Variants in PRR16 observed in about 807,000 individuals in gnomAD.
The protein encoded by PRR16 is proline rich 16.
In PRR16, 6 loss-of-function variants were observed where a neutral mutation model predicts 18.2. The ratio of observed to expected loss-of-function variants is 0.33; its 90% CI spans 0.18 to 0.65. The LOEUF (loss-of-function observed/expected upper bound fraction) is 0.65, where lower values mean the gene tolerates loss of function less well. Among genes scored for constraint, PRR16 ranks in the 30% least tolerant of loss-of-function variants. The pLI, the probability that PRR16 is intolerant of heterozygous loss-of-function variation, is 0.74. For missense variants in PRR16, 412 were observed against 376.6 expected (o/e 1.09, Z -0.78); for synonymous variants, 151 against 147.8 (o/e 1.02, Z -0.16).
intron 1 of PRR16, among the ~76,000 whole-genome samples, chr5:120,623,347 G>A (rs1168784307): frequency 3.3e-5 from 5 of 152,024 alleles, no homozygotes; most frequent in Non-Finnish European, 7.4e-5. Flanking sequence ...TACTAATCAG[G>A]ATTCTACCTA....
At chr5:120,698,339 A>T in the PRR16 span, among the ~76,000 whole-genome samples, 4 of 151,960 alleles carry the variant, frequency 2.6e-5, no homozygotes, top group Non-Finnish European at 5.9e-5. Context: ...AGAGAAGAAA[A>T]ACAGGTATAA....
chr5:120,766,847 A>G, the PRR16 span, among the ~76,000 whole-genome samples: 19 of 152,100 alleles, frequency 1.2e-4, no homozygotes, highest in South Asian at 3.9e-3. Flanking sequence ...TGGGGTTAGT[A>G]TAATCCTGGT....
At chr5:120,700,021 G>A in the PRR16 span, among the ~76,000 whole-genome samples, 26 of 152,182 alleles carry the variant, frequency 1.7e-4, no homozygotes, top group African/African-American at 5.1e-4. Flanking sequence ...TAGTGAAAGC[G>A]AAGAGAGGCT....
intron 1 of PRR16, among the ~76,000 whole-genome samples, chr5:120,626,310 C>T (rs1277290765): frequency 6.6e-6 from 1 of 152,112 alleles, no homozygotes; most frequent in Non-Finnish European, 1.5e-5. Flanking sequence ...CATGCTCCAA[C>T]ATGGATGAAC....
At chr5:120,672,058 C>A (rs2150147162) in intron 1 of PRR16, among the ~76,000 whole-genome samples, 1 of 152,312 alleles carries the variant, frequency 6.6e-6, no homozygotes, top group African/African-American at 2.4e-5. Context: ...AGGTTACAGT[C>A]TTGCCAAGGA....
chr5:120,764,651 T>C, the PRR16 span, among the ~76,000 whole-genome samples: 7 of 149,318 alleles, frequency 4.7e-5, no homozygotes, highest in Admixed American at 2.0e-4. Context: ...AAGATTAAAT[T>C]TTATTTTAGT....
intron 1 of PRR16, among the ~76,000 whole-genome samples, chr5:120,615,061 A>AAT (rs1554088425): frequency 1.3e-5 from 2 of 151,716 alleles, no homozygotes; most frequent in Non-Finnish European, 2.9e-5. Flanking sequence ...GGAAAAAAAA[A>AAT]TAGCAAACAT....
the PRR16 span, among the ~76,000 whole-genome samples, chr5:120,755,590 C>G: frequency 6.6e-6 from 1 of 152,086 alleles, no homozygotes; most frequent in East Asian, 1.9e-4. Flanking sequence ...GCATAGTATT[C>G]TGTGGTGTAT....
At chr5:120,669,994 A>G (rs1444764526) in intron 1 of PRR16, among the ~76,000 whole-genome samples, 3 of 152,142 alleles carry the variant, frequency 2.0e-5, no homozygotes, top group African/African-American at 2.4e-5. Context: ...GTTATAATGC[A>G]TAAAATAAAC....
chr5:120,713,938 T>A, the PRR16 span, among the ~76,000 whole-genome samples: 428 of 152,296 alleles, frequency 2.8e-3, no homozygotes, highest in African/African-American at 8.3e-3. Flanking sequence ...GATTTATATT[T>A]GAAAACTGTT....
chr5:120,481,050 T>C, intron 1 of PRR16: 2 of 1,085,512 alleles, frequency 1.8e-6, no homozygotes, highest in Non-Finnish European at 2.3e-6. Context: ...CAATATAAAG[T>C]ACATGGCAGG....
At chr5:120,494,845 A>G (rs969679204) in intron 1 of PRR16, among the ~76,000 whole-genome samples, 5 of 152,078 alleles carry the variant, frequency 3.3e-5, no homozygotes, top group African/African-American at 7.2e-5. Context: ...TGAAAAAACT[A>G]GCTTTCTTCC....
intron 1 of PRR16, among the ~76,000 whole-genome samples, chr5:120,600,130 C>T (rs549530895): frequency 6.6e-6 from 1 of 151,804 alleles, no homozygotes; most frequent in African/African-American, 2.4e-5. Flanking sequence ...AAATGCTCTT[C>T]GTTTCGTAGC....
At chr5:120,615,816 G>C (rs757791583) in intron 1 of PRR16, among the ~76,000 whole-genome samples, 1 of 152,072 alleles carries the variant, frequency 6.6e-6, no homozygotes, top group Admixed American at 6.6e-5. Context: ...AATTCTGGGC[G>C]TTTTATTCAT....
rs4895264 is a variant in PRR16 at position 120,576,604 on chromosome 5, G to C, written c.160-109350G>C. Among the ~76,000 whole-genome samples the C allele has an allele frequency of 2.6e-5, 4 of 152,110 alleles. No homozygotes were observed. The East Asian group carries it at 5.8e-4, about 22-fold the overall frequency. ...GTATAGCCAGTTGAAATCCTGAATA[G>C]AACAAAAAGGTTAACCCTATGTGTG... On this transcript the variant is annotated intron_variant, in intron 1 of 1. Transcript: ENST00000407149.
At chr5:120,651,468 C>G (rs2150131767) in intron 1 of PRR16, among the ~76,000 whole-genome samples, 1 of 152,188 alleles carries the variant, frequency 6.6e-6, no homozygotes, top group East Asian at 1.9e-4. Flanking sequence ...TTAGGTCTAA[C>G]ATTTAAGTCT....
At chr5:120,599,675 G>A (rs2112787967) in intron 1 of PRR16, among the ~76,000 whole-genome samples, 1 of 151,836 alleles carries the variant, frequency 6.6e-6, no homozygotes, top group Middle Eastern at 3.4e-3. Context: ...ATCGTTTTCT[G>A]AGTTTATTTT....
At chr5:120,657,454 G>A (rs1047812046) in intron 1 of PRR16, among the ~76,000 whole-genome samples, 1 of 151,850 alleles carries the variant, frequency 6.6e-6, no homozygotes, top group Admixed American at 6.6e-5. Flanking sequence ...AATTGTGTGG[G>A]AATATTTGCA....
chr5:120,547,850 T>C (rs1459671865), intron 1 of PRR16, among the ~76,000 whole-genome samples: 1 of 152,018 alleles, frequency 6.6e-6, no homozygotes, highest in Non-Finnish European at 1.5e-5. Context: ...CCAATGACTT[T>C]ACCAATTTTT....
Sources: allele counts gnomAD v4.1 joint callset (sites outside exome capture counted in the v4.1 genomes callset), GRCh38; gene constraint gnomAD v4.1.1; transcripts MANE v1.5; gene names NCBI Gene and HGNC (gene_info 2026-07-23, HGNC 2026-07-21).